ACOT7: variants seen among roughly 807,000 people sequenced by gnomAD.
ACOT7 encodes cytosolic acyl coenzyme A thioester hydrolase.
Under a neutral mutation model 40.2 loss-of-function variants are expected in ACOT7, and 12 were observed. The ratio of observed to expected loss-of-function variants is 0.30; its 90% CI spans 0.19 to 0.48. The LOEUF (loss-of-function observed/expected upper bound fraction) is 0.48, where lower values mean the gene tolerates loss of function less well. Among genes scored for constraint, ACOT7 ranks in the 20% least tolerant of loss-of-function variants. ACOT7 has a pLI of 0.99. For missense variants in ACOT7, 395 were observed against 530.8 expected, an observed-to-expected ratio of 0.74 and a Z score of 2.51; for synonymous variants, 228 against 219.5, an observed-to-expected ratio of 1.04 and a Z score of -0.34.
At chr1:6,387,930 C>CTTTGT (rs1418499643) in intron 1 of ACOT7, among the ~76,000 whole-genome samples, 1 of 142,104 alleles carries the variant, frequency 7.0e-6, no homozygotes, top group African/African-American at 2.9e-5. Context: ...AAATCAGGTT[C>CTTTGT]TTTGTTTTTT....
chr1:6,374,764 C>A (rs1642194606), intron 1 of ACOT7, among the ~76,000 whole-genome samples: 1 of 152,324 alleles, frequency 6.6e-6, no homozygotes, highest in South Asian at 2.1e-4. Flanking sequence ...CTACACTATT[C>A]CACAGACTCC....
intron 2 of ACOT7, among the ~76,000 whole-genome samples, chr1:6,341,697 G>A (rs987908073): frequency 7.2e-5 from 11 of 152,072 alleles, no homozygotes; most frequent in Non-Finnish European, 1.5e-4. Flanking sequence ...AGCCAAGATC[G>A]CACCACTGCG....
Position 6,288,226 on chromosome 1 carries a change from C to T in ACOT7, c.829+6638G>A, listed in dbSNP as rs1571272986. On this transcript the variant is annotated intron_variant, in intron 7 of 8. Transcript: ENST00000361521. This position sits in a 1 kb window ranked among gnomAD's most constrained non-coding sequence, Gnocchi z 4.3. ...CCCCTGGGTGCGGGCTCCAGCCTGT[C>T]GTGGCCCTCGCGTCCCCAGCACCAA... Among the ~76,000 whole-genome samples, 1 of 152,244 alleles carries T rather than the reference C, an allele frequency of 6.6e-6. No individual in the cohort carries two copies. Among genetic ancestry groups the T allele is most frequent in the Admixed American group, 6.5e-5 (1 of 15,286 alleles).
chr1:6,309,393 C>G (rs562811321), intron 6 of ACOT7, among the ~76,000 whole-genome samples: 1 of 152,188 alleles, frequency 6.6e-6, no homozygotes, highest in Non-Finnish European at 1.5e-5. Context: ...GAGACCCAGA[C>G]AGAGACATAA....
intron 6 of ACOT7, among the ~76,000 whole-genome samples, chr1:6,304,869 C>T (rs2148406258): frequency 7.1e-6 from 1 of 140,664 alleles, no homozygotes; most frequent in South Asian, 2.2e-4. Flanking sequence ...TTCCACAAAA[C>T]TGCCATTGTC....
intron 4 of ACOT7, among the ~76,000 whole-genome samples, chr1:6,332,945 G>C (rs1014206549): frequency 4.6e-5 from 7 of 152,206 alleles, no homozygotes; most frequent in African/African-American, 1.7e-4. Context: ...GGACAAGAAG[G>C]GAGAAAGACA....
intron 6 of ACOT7, among the ~76,000 whole-genome samples, chr1:6,313,346 G>C (rs144372536): frequency 6.6e-6 from 1 of 152,182 alleles, no homozygotes; most frequent in Non-Finnish European, 1.5e-5. Flanking sequence ...GCCAGAAAGT[G>C]GAGGGAAAAT....
intron 8 of ACOT7, among the ~76,000 whole-genome samples, chr1:6,270,959 C>T (rs1182240209): frequency 6.6e-6 from 1 of 152,178 alleles, no homozygotes; most frequent in Non-Finnish European, 1.5e-5. Flanking sequence ...CCCAAGGTAG[C>T]AGGTTGACAG....
At chr1:6,356,449 C>T (rs565470167) in intron 1 of ACOT7, among the ~76,000 whole-genome samples, 2 of 152,158 alleles carry the variant, frequency 1.3e-5, no homozygotes, top group East Asian at 3.9e-4. Flanking sequence ...CTCAGCCCCG[C>T]TCAGCACCCT....
Position 6,358,963 on chromosome 1 carries a change from G to A in ACOT7, c.144-9097C>T. ...TCCCTGCCACACCGGGCTTGGTGGG[G>A]AGCACCCCCCACCCCCAGCTTCCTG... On this transcript the variant is annotated intron_variant, in intron 1 of 8. Transcript: ENST00000361521. The surrounding 1 kb of genome is among the most constrained non-coding windows in gnomAD (Gnocchi z 4.1). 6.7e-7 allele frequency: 1 copy of A among 1,485,208 alleles called. No homozygotes were observed. Among genetic ancestry groups the A allele is most frequent in the Non-Finnish European group, 9.0e-7 (1 of 1,107,526 alleles). 92.0% of individuals were successfully genotyped at this position (1,485,208 alleles called of 1,614,324 possible).
At chr1:6,284,576 C>CA (rs561943319) in intron 7 of ACOT7, among the ~76,000 whole-genome samples, 15,571 of 56,862 alleles carry the variant, frequency 0.27, 1,994 homozygotes, top group African/African-American at 0.39. Flanking sequence ...AACTCCATCT[C>CA]AAAAAAAAAA....
In ACOT7 at chr1:6,294,446, G is replaced by A. The variant is rs754659226; in HGVS notation, c.829+418C>T. 6.6e-6 allele frequency among the ~76,000 whole-genome samples: 1 copy of A among 152,238 alleles called. No individual in the cohort carries two copies. The highest frequency in any genetic ancestry group is 1.5e-5 in the Non-Finnish European group (1 of 68,040). On this transcript the variant is annotated intron_variant, in intron 7 of 8. Transcript: ENST00000361521. The surrounding 1 kb of genome is among the most constrained non-coding windows in gnomAD (Gnocchi z 4.6). ...GGTGGCGTGGGCAGGGCTGGCCGAG[G>A]AGGGGCTCCTGCGGGCTTTTCTGTA... is the stretch of plus-strand genomic sequence containing the variant.
chr1:6,305,220 C>T (rs541255267), intron 6 of ACOT7, among the ~76,000 whole-genome samples: 1 of 149,964 alleles, frequency 6.7e-6, no homozygotes, highest in African/African-American at 2.5e-5. Flanking sequence ...CACATCCTTC[C>T]CGGACGGGGC....
At chr1:6,373,028 T>C (rs1642161266) in intron 1 of ACOT7, among the ~76,000 whole-genome samples, 1 of 152,200 alleles carries the variant, frequency 6.6e-6, no homozygotes, top group Non-Finnish European at 1.5e-5. Context: ...ACATACAACA[T>C]TTATCAATTT....
At chr1:6,308,473 A>ACAGGCAGAGGGAACCACAAC (rs1182542403) in intron 6 of ACOT7, among the ~76,000 whole-genome samples, 1 of 150,764 alleles carries the variant, frequency 6.6e-6, no homozygotes, top group African/African-American at 2.4e-5. Context: ...GAGAACTGCA[A>ACAGGCAGAGGGAACCACAAC]CAGGCAGAGG....
chr1:6,346,744 G>A (rs1180630013), intron 2 of ACOT7, among the ~76,000 whole-genome samples: 2 of 152,222 alleles, frequency 1.3e-5, no homozygotes, highest in East Asian at 1.9e-4. Context: ...TCAGGTGATC[G>A]GGTGATCGGA....
chr1:6,387,520 G>T (rs192183705), intron 1 of ACOT7, among the ~76,000 whole-genome samples: 1 of 152,268 alleles, frequency 6.6e-6, no homozygotes, highest in African/African-American at 2.4e-5. Context: ...CCCATGCAGG[G>T]GTCCAAGGAT....
chr1:6,336,440 CA>C (rs1641104840), intron 3 of ACOT7, among the ~76,000 whole-genome samples: 1 of 151,040 alleles, frequency 6.6e-6, no homozygotes, highest in Admixed American at 6.6e-5. Context: ...AATATTTTGA[CA>C]GTTGCTGGAG....
At chr1:6,360,578 C>T in intron 1 of ACOT7, 1 of 1,614,180 alleles carries the variant, frequency 6.2e-7, no homozygotes, top group Non-Finnish European at 8.5e-7. Context: ...ACTGTTTGGC[C>T]TTCTCCCCAA....
Sources: allele counts gnomAD v4.1 joint callset (sites outside exome capture counted in the v4.1 genomes callset), GRCh38; gene constraint gnomAD v4.1.1; non-coding constraint Gnocchi (gnomAD v3.1); transcripts MANE v1.5; gene names NCBI Gene and HGNC (gene_info 2026-07-23, HGNC 2026-07-21).